Variants in OSBPL10 observed in about 807,000 individuals in gnomAD.
The protein encoded by OSBPL10 is oxysterol binding protein like 10.
OSBPL10 carries 49 observed loss-of-function variants against 81.7 expected under a neutral mutation model. That is an observed-to-expected ratio of 0.60 (90% CI 0.48 to 0.76). The LOEUF (loss-of-function observed/expected upper bound fraction) is 0.76, where lower values mean the gene tolerates loss of function less well. OSBPL10 is among the 30% of genes least tolerant of loss of function. OSBPL10 has a pLI of 0.00. For synonymous variants in OSBPL10, 419 were observed against 383.6 expected, an observed-to-expected ratio of 1.09 and a Z score of -1.08; for missense variants, 923 against 987.8, an observed-to-expected ratio of 0.93 and a Z score of 0.88.
At chr3:31,853,370 G>A (rs540638498) in intron 3 of OSBPL10, among the ~76,000 whole-genome samples, 1 of 152,078 alleles carries the variant, frequency 6.6e-6, no homozygotes, top group Non-Finnish European at 1.5e-5. Context: ...CAGCATCAAG[G>A]GGTCTGTGAA....
At chr3:31,678,051 G>A (rs146847542) in intron 8 of OSBPL10, among the ~76,000 whole-genome samples, 1,939 of 138,448 alleles carry the variant, frequency 0.014, 22 homozygotes, top group Non-Finnish European at 0.021. Context: ...ACTGCAGTCC[G>A]CAGTCCGGCC....
chr3:31,678,066 C>T (rs374112970), intron 8 of OSBPL10, among the ~76,000 whole-genome samples: 1,337 of 127,024 alleles, frequency 0.011, 43 homozygotes, highest in African/African-American at 0.04. Flanking sequence ...CCGGCCTGGG[C>T]GACAGAGCGA....
At chr3:31,783,552 A>T (rs556650707) in intron 4 of OSBPL10, among the ~76,000 whole-genome samples, 16 of 151,606 alleles carry the variant, frequency 1.1e-4, no homozygotes, top group Non-Finnish European at 2.4e-4. Flanking sequence ...GCACTTTGGA[A>T]GGCTGAGGCG....
intron 4 of OSBPL10, among the ~76,000 whole-genome samples, chr3:31,804,455 A>G (rs985346575): frequency 6.6e-6 from 1 of 152,352 alleles, no homozygotes; most frequent in Non-Finnish European, 1.5e-5. Context: ...CCCAGCCTCT[A>G]GGGTAAACAA....
chr3:31,856,652 G>A lies in OSBPL10; in HGVS notation c.537+19781C>T, dbSNP rs78853690. Among the ~76,000 whole-genome samples, 1,120 of 152,314 alleles carry A rather than the reference G, an allele frequency of 7.4e-3. 21 individuals are homozygous for A. The highest frequency in any genetic ancestry group is 0.026 in the African/African-American group (1,080 of 41,572). On this transcript the variant is annotated intron_variant, in intron 3 of 11. Transcript: ENST00000396556. ...ACCTTCAGTCTCAACAGGAGATGCA[G>A]CATATCTTACTTTTCACCCAATGAT...
At chr3:31,968,170 G>C (rs1266158805) in intron 1 of OSBPL10, among the ~76,000 whole-genome samples, 1 of 151,832 alleles carries the variant, frequency 6.6e-6, no homozygotes, top group East Asian at 1.9e-4. Flanking sequence ...ACTTCAGTGC[G>C]TAAATGTTAA....
rs771742175 is a variant in OSBPL10, at chr3:31,668,747, T to A, written c.1991A>T (p.Glu664Val). ...GGTTTCTCCATTGTTGTAGGTGAAC[T>A]CTAAAGTACCATTCCATTCCCCATG... ...KAHGEWNGTL[E>V]FTYNNGETKV... The change falls in exon 10 of 12, where the codon GAG becomes GTG. Residue 664 changes from glutamate to valine, a missense_variant. This residue lies in a region of OSBPL10 where 387 missense variants were observed against 436.3 expected (regional missense o/e 0.89). Coordinates refer to ENST00000396556, the MANE Select transcript of OSBPL10 (RefSeq NM_017784.5). 17 of 1,614,200 alleles carry A rather than the reference T, an allele frequency of 1.1e-5. No individual in the cohort carries two copies. In the South Asian group the frequency reaches 1.9e-4, roughly 18 times the overall value.
intron 7 of OSBPL10, among the ~76,000 whole-genome samples, chr3:31,684,533 T>C (rs1700742147): frequency 6.6e-6 from 1 of 152,150 alleles, no homozygotes; most frequent in African/African-American, 2.4e-5. Context: ...CGGCAATCAG[T>C]GTGTTCTCAC....
intron 1 of OSBPL10, among the ~76,000 whole-genome samples, chr3:31,894,813 T>C (rs1696005166): frequency 6.6e-6 from 1 of 152,202 alleles, no homozygotes; most frequent in Non-Finnish European, 1.5e-5. Flanking sequence ...AAGAGAACGC[T>C]AGTTTTTAGT....
intron 4 of OSBPL10, among the ~76,000 whole-genome samples, chr3:31,757,555 T>C (rs1257597205): frequency 6.6e-6 from 1 of 152,254 alleles, no homozygotes; most frequent in Non-Finnish European, 1.5e-5. Flanking sequence ...TTTAACACAC[T>C]TTGTCTGTGG....
chr3:31,890,477 T>C (rs1378380935), intron 1 of OSBPL10, among the ~76,000 whole-genome samples: 4 of 152,070 alleles, frequency 2.6e-5, no homozygotes, highest in Non-Finnish European at 5.9e-5. Flanking sequence ...GGTGCTCACT[T>C]GAGCAGAGGG....
intron 5 of OSBPL10, among the ~76,000 whole-genome samples, chr3:31,735,644 T>G (rs1697131720): frequency 6.6e-6 from 1 of 152,192 alleles, no homozygotes; most frequent in African/African-American, 2.4e-5. Context: ...TTGTGCATTC[T>G]GTTCCTTCCT....
chr3:31,981,250 T>G lies in OSBPL10; in HGVS notation c.-71A>C. 7.6e-7 allele frequency: 1 copy of G among 1,321,942 alleles called. No individual in the cohort carries two copies. The highest frequency in any genetic ancestry group is 9.6e-7 in the Non-Finnish European group (1 of 1,044,242). The allele number at this position is 1,321,942 out of a possible 1,614,324, so 81.9% of individuals were successfully genotyped here. On this transcript the variant is annotated 5_prime_UTR_variant, in exon 1 of 12. Coordinates refer to ENST00000396556, the MANE Select transcript of OSBPL10 (RefSeq NM_017784.5). The surrounding 1 kb of genome is among the most constrained non-coding windows in gnomAD (Gnocchi z 4.5). ...CCGGCACGGCGGCTGCTGCTGCTGC[T>G]ACAGCTCCGGACGCCCGGGCCGCGC...
intron 3 of OSBPL10, among the ~76,000 whole-genome samples, chr3:31,856,108 ACACACACAC>A (rs1700907852): frequency 2.0e-5 from 3 of 147,656 alleles, no homozygotes; most frequent in East Asian, 4.0e-4. Flanking sequence ...ACACACACAC[ACACACACAC>A]GTTTTAATCT....
chr3:31,991,282 A>G, intron 2 of OSBPL10: 1 of 301,828 alleles, frequency 3.3e-6, no homozygotes, highest in Non-Finnish European at 6.5e-6. Context: ...CACTTTTCCT[A>G]GCCTGTTTTT....
rs544966270 is a variant in OSBPL10, at chr3:31,941,250, G to A, written c.281+39649C>T. ...AGGAGACTGTATTATATCAAGATCC[G>A]GTGCAAACAAAAAAGAAAAGCAAGA... On this transcript the variant is annotated intron_variant, in intron 1 of 11. Coordinates refer to ENST00000396556, the MANE Select transcript of OSBPL10 (RefSeq NM_017784.5). 8.0e-4 allele frequency among the ~76,000 whole-genome samples: 122 copies of A among 151,962 alleles called. 2 individuals carry two copies. In the South Asian group the frequency reaches 9.0e-3, roughly 11 times the overall value.
intron 1 of OSBPL10, among the ~76,000 whole-genome samples, chr3:31,974,629 C>A (rs1698645140): frequency 6.6e-6 from 1 of 152,090 alleles, no homozygotes; most frequent in Non-Finnish European, 1.5e-5. Context: ...GAGAAAGAAG[C>A]CAGACACACA....
intron 1 of OSBPL10, chr3:31,960,448 A>AC (rs1470188314): frequency 6.6e-6 from 1 of 152,202 alleles, no homozygotes; most frequent in African/African-American, 2.4e-5. Flanking sequence ...TTATAAACAG[A>AC]CTGTGGAAAT....
At position 31,790,968 on chromosome 3, in the gene OSBPL10, C is replaced by T. The variant is rs982701040; in HGVS notation, c.729+39072G>A. Reference sequence around the variant, plus strand: ...AGCCATATGCTAGAGGATTCCCTGGCTGGCTGGCATGAAGAACTGGGCACT... The same window carrying T: ...AGCCATATGCTAGAGGATTCCCTGGTTGGCTGGCATGAAGAACTGGGCACT... On this transcript the variant is annotated intron_variant, in intron 4 of 11. Transcript: ENST00000396556. 2.0e-5 allele frequency among the ~76,000 whole-genome samples: 3 copies of T among 152,138 alleles called. No individual in the cohort carries two copies. In the East Asian group the frequency reaches 5.8e-4, roughly 29 times the overall value.
Sources: gnomAD v4.1 joint callset for allele counts (sites outside exome capture counted in the v4.1 genomes callset) on GRCh38, gnomAD v4.1.1 for gene constraint, gnomAD v4.1.1 regional missense constraint, Gnocchi (gnomAD v3.1) non-coding constraint, MANE v1.5 for transcripts, NCBI Gene and HGNC (gene_info 2026-07-23, HGNC 2026-07-21) for gene names.